The following MICAL3 variants were observed in gnomAD, a reference collection of about 807,000 sequenced individuals.
The protein encoded by MICAL3 is [F-actin]-monooxygenase MICAL3.
A neutral mutation model predicts 207.4 loss-of-function variants in MICAL3; 62 were observed. The ratio of observed to expected loss-of-function variants is 0.30; its 90% CI spans 0.24 to 0.37. MICAL3 has a LOEUF of 0.37. Among genes scored for constraint, MICAL3 ranks in the 10% least tolerant of loss-of-function variants. MICAL3 has a pLI of 1.00. For missense variants in MICAL3, 2,368 were observed against 2,635.6 expected (o/e 0.90, Z 2.22); for synonymous variants, 1,077 against 1,069.3 (o/e 1.01, Z -0.14).
intron 27 of MICAL3, among the ~76,000 whole-genome samples, chr22:17,815,860 G>A (rs5992853): frequency 0.016 from 2,480 of 152,348 alleles, 72 homozygotes; most frequent in African/African-American, 0.057. Flanking sequence ...ACCAAGGCCC[G>A]CCCTGACTGG....
At chr22:17,808,080 G>A (rs1435525639) in intron 29 of MICAL3, among the ~76,000 whole-genome samples, 5 of 152,254 alleles carry the variant, frequency 3.3e-5, no homozygotes, top group East Asian at 1.9e-4. Context: ...TTCCTGGGCC[G>A]TGGGGCCAGA....
At chr22:17,994,469 T>C (rs1922054474) in intron 1 of MICAL3, among the ~76,000 whole-genome samples, 1 of 152,184 alleles carries the variant, frequency 6.6e-6, no homozygotes, top group African/African-American at 2.4e-5. Flanking sequence ...GGGGTGCCTG[T>C]AATCCCAGCA....
At chr22:17,933,534 C>T (rs1329117627) in intron 1 of MICAL3, among the ~76,000 whole-genome samples, 3 of 151,932 alleles carry the variant, frequency 2.0e-5, no homozygotes, top group African/African-American at 7.2e-5. Context: ...GATCTAAAAT[C>T]GACACCCTAA....
chr22:17,875,466 G>T, intron 16 of MICAL3: 1 of 1,567,910 alleles, frequency 6.4e-7, no homozygotes, highest in East Asian at 2.3e-5. Context: ...GGAGTCGGAG[G>T]AGGGAGAGGC....
intron 1 of MICAL3, among the ~76,000 whole-genome samples, chr22:17,991,058 C>A (rs1404701904): frequency 6.6e-6 from 1 of 152,220 alleles, no homozygotes. Flanking sequence ...CAGAGATGGT[C>A]CACACGGCTC....
intron 11 of MICAL3, 107 bp downstream of exon 11, chr22:17,893,701 A>T (rs1236767720): frequency 1.2e-6 from 1 of 801,590 alleles, no homozygotes; most frequent in East Asian, 2.7e-5. Flanking sequence ...ACTGTCTCAG[A>T]CAGTACTTCG....
intron 24 of MICAL3, among the ~76,000 whole-genome samples, chr22:17,821,730 C>G (rs1012184330): frequency 6.6e-6 from 1 of 152,242 alleles, no homozygotes; most frequent in Admixed American, 6.5e-5. Context: ...CTGTCAACAC[C>G]AGGTCAGGCC....
chr22:17,942,972 TCA>T (rs1933882355), intron 1 of MICAL3, among the ~76,000 whole-genome samples: 1 of 152,202 alleles, frequency 6.6e-6, no homozygotes, highest in Admixed American at 6.5e-5. Context: ...GATGCTGAAC[TCA>T]CACAACACAG....
chr22:17,821,571 C>A, intron 24 of MICAL3, 62 bp from the exon 25 acceptor site: 1 of 1,357,382 alleles, frequency 7.4e-7, no homozygotes, highest in South Asian at 1.3e-5. Context: ...GGAAGGCACC[C>A]CTATCAGCCA....
At position 17,877,522 on chromosome 22, in the gene MICAL3, GGGAGGTGAGGGAGGTTAT is replaced by G. The variant is rs1602126266; in HGVS notation, c.2242-5517_2242-5500del. Among the ~76,000 whole-genome samples the G allele has an allele frequency of 2.4e-3, 124 of 51,406 alleles. 1 individual carries two copies. The highest frequency in any genetic ancestry group is 4.3e-3 in the Admixed American group (23 of 5,342). 33.7% of individuals were successfully genotyped at this position (51,406 alleles called of 152,430 possible). A position where few individuals can be genotyped will look rare whatever the true frequency, so the allele number is the denominator to read the frequency against. Reference sequence around the variant, plus strand: ...GAGGTTATGGAGGTTAGGGAGGTTAGGGAGGTGAGGGAGGTTATGGAGGTGAGGGAGGTTATGGAGGTT... The same window carrying G: ...GAGGTTATGGAGGTTAGGGAGGTTAGGGAGGTGAGGGAGGTTATGGAGGTT... On this transcript the variant is annotated intron_variant, in intron 16 of 31. Transcript: ENST00000441493.
intron 21 of MICAL3, among the ~76,000 whole-genome samples, chr22:17,828,858 G>A (rs1298316589): frequency 2.0e-5 from 3 of 152,188 alleles, no homozygotes; most frequent in Admixed American, 6.5e-5. Context: ...ATCTGGGAAT[G>A]GGTGACATGC....
At chr22:17,803,976 C>T in intron 29 of MICAL3, 1 of 376,470 alleles carries the variant, frequency 2.7e-6, no homozygotes, top group Non-Finnish European at 3.7e-6. Context: ...GCAAGAAACA[C>T]AGACACAGCG....
chr22:17,953,930 CA>C (rs59740388), intron 1 of MICAL3, among the ~76,000 whole-genome samples: 70 of 86,432 alleles, frequency 8.1e-4, no homozygotes, highest in South Asian at 1.9e-3. Context: ...GACTCCATCT[CA>C]AAAAAAAAAA....
At chr22:17,939,987 G>C (rs1422946893) in intron 1 of MICAL3, among the ~76,000 whole-genome samples, 1 of 152,126 alleles carries the variant, frequency 6.6e-6, no homozygotes, top group South Asian at 2.1e-4. Context: ...TAATCCCCTA[G>C]AGTCAAAGCA....
intron 15 of MICAL3, among the ~76,000 whole-genome samples, chr22:17,886,838 T>G (rs1174065115): frequency 7.1e-6 from 1 of 141,788 alleles, no homozygotes; most frequent in African/African-American, 2.6e-5. Flanking sequence ...AAAAATTAGC[T>G]GGGTGTGGTG....
chr22:17,821,732 G>C (rs1258968145), intron 24 of MICAL3, among the ~76,000 whole-genome samples: 2 of 152,230 alleles, frequency 1.3e-5, no homozygotes, highest in African/African-American at 4.8e-5. Flanking sequence ...GTCAACACCA[G>C]GTCAGGCCGT....
intron 1 of MICAL3, among the ~76,000 whole-genome samples, chr22:17,936,000 T>C (rs193205315): frequency 5.7e-4 from 87 of 152,326 alleles, no homozygotes; most frequent in Non-Finnish European, 1.5e-5. Flanking sequence ...GATTCAACCA[T>C]TGTGGAAGAC....
At chr22:17,850,042 G>A (rs1925124638) in intron 19 of MICAL3, among the ~76,000 whole-genome samples, 1 of 152,052 alleles carries the variant, frequency 6.6e-6, no homozygotes, top group East Asian at 1.9e-4. Context: ...CTTCATTTGG[G>A]GTAACTTTAC....
Position 17,791,309 on chromosome 22 carries a change from G to A in MICAL3, c.5651-8C>T. 1 of 1,610,932 alleles carries A rather than the reference G, an allele frequency of 6.2e-7. No individual in the cohort carries two copies. Among genetic ancestry groups the A allele is most frequent in the Non-Finnish European group, 8.5e-7 (1 of 1,178,294 alleles). ...CGTCCTTCTTGCCCATGCCTGCCGA[G>A]AGAACGCTTGTGTCGGGTGCAGGGA... On this transcript the variant is annotated splice_region_variant and splice_polypyrimidine_tract_variant and intron_variant, in intron 29 of 31. Coordinates refer to ENST00000441493, the MANE Select transcript of MICAL3 (RefSeq NM_015241.3).
Sources: gnomAD v4.1 joint callset for allele counts (sites outside exome capture counted in the v4.1 genomes callset) on GRCh38, gnomAD v4.1.1 for gene constraint, MANE v1.5 for transcripts, NCBI Gene and HGNC (gene_info 2026-07-23, HGNC 2026-07-21) for gene names.